Variants in SMARCC2 observed in about 807,000 individuals in gnomAD.
SMARCC2 encodes the protein SWI/SNF complex subunit SMARCC2.
Under a neutral mutation model 151.3 loss-of-function variants are expected in SMARCC2, and 15 were observed. That is an observed-to-expected ratio of 0.10 (90% CI 0.07 to 0.15). The LOEUF (loss-of-function observed/expected upper bound fraction) is 0.15, where lower values mean the gene tolerates loss of function less well. SMARCC2 is among the 10% of genes least tolerant of loss of function. SMARCC2 has a pLI of 1.00. For missense variants in SMARCC2, 1,031 were observed against 1,599.7 expected, an observed-to-expected ratio of 0.64 and a Z score of 6.06; for synonymous variants, 590 against 609.5, an observed-to-expected ratio of 0.97 and a Z score of 0.47.
At position 56,171,442 on chromosome 12, in the gene SMARCC2, C is replaced by A; in HGVS notation, c.2186-10G>T. The A allele has an allele frequency of 6.2e-7, 1 of 1,614,176 alleles. No individual in the cohort carries two copies. The highest frequency in any genetic ancestry group is 8.5e-7 in the Non-Finnish European group (1 of 1,180,020). ...ATTTTGGAGAACTCCTCTGCAAGACCCAGAAAGAATGAGGCTGGGAGCGGC... is the reference window on the plus strand; with the variant it reads ...ATTTTGGAGAACTCCTCTGCAAGACACAGAAAGAATGAGGCTGGGAGCGGC... On this transcript the variant is annotated splice_polypyrimidine_tract_variant and intron_variant, in intron 21 of 28. Transcript: ENST00000550164. This position sits in a 1 kb window ranked among gnomAD's most constrained non-coding sequence, Gnocchi z 4.2.
At chr12:56,172,108 G>C (rs2135685862) in intron 20 of SMARCC2, 171 bp from the exon 21 acceptor site, 1 of 618,348 alleles carries the variant, frequency 1.6e-6, no homozygotes, top group South Asian at 2.2e-5. Context: ...AGGATATGAA[G>C]TTAATGAAAT....
At chr12:56,186,297 C>A in intron 2 of SMARCC2, 57 bp from the exon 3 acceptor site, 3 of 999,850 alleles carry the variant, frequency 3.0e-6, no homozygotes, top group Non-Finnish European at 4.8e-6. Flanking sequence ...ATTCTCTCAT[C>A]ACTTAATAAT....
chr12:56,174,406 C>A, intron 16 of SMARCC2: 1 of 386,948 alleles, frequency 2.6e-6, no homozygotes, highest in Non-Finnish European at 4.7e-6. Flanking sequence ...GCCACCACAC[C>A]TGGCCTGAAC....
intron 15 of SMARCC2, among the ~76,000 whole-genome samples, chr12:56,175,126 C>T (rs1210104220): frequency 6.6e-6 from 1 of 152,158 alleles, no homozygotes; most frequent in East Asian, 1.9e-4. Context: ...ATTCTCCTGC[C>T]TCAGCCTCCT....
In SMARCC2 at chr12:56,171,998, C is replaced by T. The variant is rs1874035178; in HGVS notation, c.1927-61G>A. The T allele has an allele frequency of 2.0e-6, 3 of 1,493,494 alleles. No individual in the cohort carries two copies. Among genetic ancestry groups the T allele is most frequent in the South Asian group, 1.3e-5 (1 of 77,314 alleles). The allele number at this position is 1,493,494 out of a possible 1,614,324, so 92.5% of individuals were successfully genotyped here. On this transcript the variant is annotated intron_variant, in intron 20 of 28. Coordinates refer to ENST00000550164, the MANE Select transcript of SMARCC2 (RefSeq NM_001330288.2). This position sits in a 1 kb window ranked among gnomAD's most constrained non-coding sequence, Gnocchi z 4.2. ...TAGCCACTTTTCTCGAAGGCTGACT[C>T]CCCCCATCCTACTAAGGGCAGCTGG...
intron 17 of SMARCC2, among the ~76,000 whole-genome samples, chr12:56,173,370 G>C (rs941021961): frequency 6.6e-6 from 1 of 152,104 alleles, no homozygotes; most frequent in Non-Finnish European, 1.5e-5. Flanking sequence ...AGGCAAAAAT[G>C]AAAAAATGTG....
chr12:56,168,407 C>G lies in SMARCC2; in HGVS notation c.2716-213G>C, dbSNP rs138477918. On this transcript the variant is annotated intron_variant, in intron 25 of 28. Coordinates refer to ENST00000550164, the MANE Select transcript of SMARCC2 (RefSeq NM_001330288.2). ...TTTTTTTTTTTTTGGGACAGTCTCA[C>G]TCTGTTGCCCAGGCTGGAGTACAGT... Among the ~76,000 whole-genome samples, 1,028 of 150,832 alleles carry G rather than the reference C, an allele frequency of 6.8e-3. 12 individuals carry two copies. Among genetic ancestry groups the G allele is most frequent in the African/African-American group, 0.023 (953 of 41,060 alleles).
In SMARCC2 at chr12:56,189,394, T is replaced by C. The variant is rs748343860; in HGVS notation, c.68A>G (p.Gln23Arg). The C allele has an allele frequency of 6.5e-7, 1 of 1,540,756 alleles. No individual in the cohort carries two copies. The highest frequency in any genetic ancestry group is 8.8e-7 in the Non-Finnish European group (1 of 1,140,664). ...KYYEAADTVT[Q>R]FDNVRLWLGK... ...GAGCCACAGCCGCACGTTGTCGAAC[T>C]GGGTCACGGTGTCCGCGGCCTCGTA... is the stretch of plus-strand genomic sequence containing the variant. Residue 23 changes from glutamine to arginine, a missense_variant, in exon 1 of 29, where the codon CAG (glutamine) becomes CGG (arginine). This residue lies in a region of SMARCC2 where 50 missense variants were observed against 52.4 expected (regional missense o/e 0.95). Coordinates refer to ENST00000550164, the MANE Select transcript of SMARCC2 (RefSeq NM_001330288.2).
intron 11 of SMARCC2, 35 bp downstream of exon 11, chr12:56,180,942 G>C (rs567868533): frequency 4.4e-6 from 7 of 1,588,498 alleles, no homozygotes; most frequent in East Asian, 4.5e-5. Flanking sequence ...GACGGGGAGT[G>C]GGGGTGGATC....
At chr12:56,166,160 G>A (rs1872730111) in intron 26 of SMARCC2, among the ~76,000 whole-genome samples, 1 of 151,590 alleles carries the variant, frequency 6.6e-6, no homozygotes, top group Admixed American at 6.6e-5. Flanking sequence ...TTATTTTTTT[G>A]AGACTGAGTC....
chr12:56,167,054 C>T (rs1465127833), intron 26 of SMARCC2, among the ~76,000 whole-genome samples: 2 of 132,426 alleles, frequency 1.5e-5, no homozygotes, highest in Non-Finnish European at 3.2e-5. Flanking sequence ...AAGAGTAAGA[C>T]TCCATCTCAA....
At position 56,169,977 on chromosome 12, in the gene SMARCC2, G is replaced by A; in HGVS notation, c.2413-66C>T. 3 of 1,503,904 alleles carry A rather than the reference G, an allele frequency of 2.0e-6. No individual in the cohort carries two copies. In the Admixed American group the frequency reaches 5.2e-5, roughly 26 times the overall value. 93.2% of individuals were successfully genotyped at this position (1,503,904 alleles called of 1,614,324 possible). On this transcript the variant is annotated intron_variant, in intron 23 of 28. Coordinates refer to ENST00000550164, the MANE Select transcript of SMARCC2 (RefSeq NM_001330288.2). ...AGGGTGATTAGTTCTCACACAGAGGGGCCAGACGGGGAACTAAATTTATTC... is the reference window on the plus strand; with the variant it reads ...AGGGTGATTAGTTCTCACACAGAGGAGCCAGACGGGGAACTAAATTTATTC...
chr12:56,175,771 G>A (rs946049412), intron 15 of SMARCC2, among the ~76,000 whole-genome samples: 7 of 152,206 alleles, frequency 4.6e-5, no homozygotes, highest in African/African-American at 1.4e-4. Flanking sequence ...TTGACGTAAA[G>A]ATTAAATTAC....
In SMARCC2 at chr12:56,171,136, G is replaced by A. The variant is rs1429216979; in HGVS notation, c.2347+135C>T. 3.7e-6 allele frequency: 3 copies of A among 813,310 alleles called. No homozygotes were observed. The African/African-American group carries it at 5.2e-5, about 14-fold the overall frequency. The allele number at this position is 813,310 out of a possible 1,614,324, so 50.4% of individuals were successfully genotyped here. ...CCAGAGCCCCTGAGGTAAACTCATG[G>A]GGAAAATAAAAACCCTACCAATGTT... is the stretch of plus-strand genomic sequence containing the variant. On this transcript the variant is annotated intron_variant, in intron 22 of 28. Transcript: ENST00000550164. The surrounding 1 kb of genome is among the most constrained non-coding windows in gnomAD (Gnocchi z 4.2).
At chr12:56,166,593 C>CTT (rs543234598) in intron 26 of SMARCC2, among the ~76,000 whole-genome samples, 22 of 139,486 alleles carry the variant, frequency 1.6e-4, no homozygotes, top group Non-Finnish European at 2.2e-4. Flanking sequence ...TCTTTTTCTT[C>CTT]TTTTTTTTTT....
Position 56,171,568 on chromosome 12 carries a change from C to A in SMARCC2, c.2185+111G>T. The A allele has an allele frequency of 6.7e-7, 1 of 1,485,760 alleles. No homozygotes were observed. Among genetic ancestry groups the A allele is most frequent in the Non-Finnish European group, 9.1e-7 (1 of 1,094,460 alleles). 92.0% of individuals were successfully genotyped at this position (1,485,760 alleles called of 1,614,324 possible). On this transcript the variant is annotated intron_variant, in intron 21 of 28. Coordinates refer to ENST00000550164, the MANE Select transcript of SMARCC2 (RefSeq NM_001330288.2). The surrounding 1 kb of genome is among the most constrained non-coding windows in gnomAD (Gnocchi z 4.2). ...CTAGACAGGTGCCTGAGCTGAGGCCCGCACAGACAAGGCCAGCAGGGCAGC... is the reference window on the plus strand; with the variant it reads ...CTAGACAGGTGCCTGAGCTGAGGCCAGCACAGACAAGGCCAGCAGGGCAGC...
chr12:56,186,280 A>G, intron 2 of SMARCC2, 40 bp from the exon 3 acceptor site: 1 of 1,252,732 alleles, frequency 8.0e-7, no homozygotes, highest in South Asian at 1.2e-5. Flanking sequence ...TCAAGGTTCC[A>G]CTGTAAATTC....
intron 26 of SMARCC2, among the ~76,000 whole-genome samples, chr12:56,166,692 C>T (rs1427262482): frequency 6.6e-6 from 1 of 150,904 alleles, no homozygotes; most frequent in Non-Finnish European, 1.5e-5. Context: ...TGGGCTCAAA[C>T]GATCCTCCCA....
chr12:56,174,461 C>T (rs943507947), intron 16 of SMARCC2, 190 bp downstream of exon 16: 6 of 561,178 alleles, frequency 1.1e-5, no homozygotes, highest in Non-Finnish European at 1.6e-5. Context: ...GTCCTATATT[C>T]TACACTTCAG....
Sources: gnomAD v4.1 joint callset for allele counts (sites outside exome capture counted in the v4.1 genomes callset) on GRCh38, gnomAD v4.1.1 for gene constraint, gnomAD v4.1.1 regional missense constraint, Gnocchi (gnomAD v3.1) non-coding constraint, MANE v1.5 for transcripts, NCBI Gene and HGNC (gene_info 2026-07-23, HGNC 2026-07-21) for gene names.